The following ADAM22 variants were observed in gnomAD, a reference collection of about 807,000 sequenced individuals.
ADAM22 encodes disintegrin and metalloproteinase domain-containing protein 22.
Under a neutral mutation model 144.6 loss-of-function variants are expected in ADAM22, and 65 were observed. The ratio of observed to expected loss-of-function variants is 0.45; its 90% CI spans 0.37 to 0.55. The LOEUF (loss-of-function observed/expected upper bound fraction) is 0.55, where lower values mean the gene tolerates loss of function less well. Ranked by LOEUF, ADAM22 falls within the 20% of genes least tolerant of loss-of-function variation. The pLI, the probability that ADAM22 is intolerant of heterozygous loss-of-function variation, is 0.00. For synonymous variants in ADAM22, 391 were observed against 412.6 expected (o/e 0.95, Z 0.63); for missense variants, 974 against 1,184.9 (o/e 0.82, Z 2.61).
intron 2 of ADAM22, among the ~76,000 whole-genome samples, chr7:87,958,032 G>T (rs758066369): frequency 2.6e-5 from 4 of 152,086 alleles, no homozygotes; most frequent in Admixed American, 6.6e-5. Flanking sequence ...ATAGGTAAAA[G>T]AATTAAATTC....
chr7:88,149,818 T>C (rs1227634748), intron 18 of ADAM22, among the ~76,000 whole-genome samples: 1 of 152,204 alleles, frequency 6.6e-6, no homozygotes, highest in Non-Finnish European at 1.5e-5. Flanking sequence ...AGAGAAACAT[T>C]GAGAATTAAA....
At chr7:88,063,227 T>C (rs1435583409) in intron 3 of ADAM22, among the ~76,000 whole-genome samples, 1 of 152,184 alleles carries the variant, frequency 6.6e-6, no homozygotes, top group East Asian at 1.9e-4. Context: ...AAGGTATGCC[T>C]GTATTCAAAG....
chr7:88,049,962 T>C (rs941214870), intron 3 of ADAM22, among the ~76,000 whole-genome samples: 2 of 151,932 alleles, frequency 1.3e-5, no homozygotes, highest in African/African-American at 4.8e-5. Context: ...TACAAGAAAA[T>C]GTCAACTCAG....
chr7:88,093,913 C>T (rs1232316309), intron 4 of ADAM22, among the ~76,000 whole-genome samples: 1 of 152,142 alleles, frequency 6.6e-6, no homozygotes, highest in Non-Finnish European at 1.5e-5. Context: ...ACTTGATTTT[C>T]CCCATAGCCA....
intron 4 of ADAM22, 78 bp downstream of exon 4, chr7:88,075,770 T>C: frequency 3.7e-6 from 4 of 1,094,272 alleles, no homozygotes; most frequent in Non-Finnish European, 5.5e-6. Context: ...TAATTTTCAA[T>C]GATATTTCTA....
intron 2 of ADAM22, among the ~76,000 whole-genome samples, chr7:87,956,995 T>C (rs1011277417): frequency 1.3e-5 from 2 of 152,222 alleles, no homozygotes; most frequent in Non-Finnish European, 2.9e-5. Context: ...TTCTATTTCA[T>C]TTTCTTTAAA....
At chr7:88,097,151 CTTTTTTTT>C (rs1169759079) in intron 4 of ADAM22, among the ~76,000 whole-genome samples, 1 of 129,214 alleles carries the variant, frequency 7.7e-6, no homozygotes, top group East Asian at 2.2e-4. Flanking sequence ...TTTTTCTTTT[CTTTTTTTT>C]TTTTTTTTTT....
chr7:88,012,855 G>A (rs1158092793), intron 3 of ADAM22, among the ~76,000 whole-genome samples: 4 of 152,220 alleles, frequency 2.6e-5, no homozygotes, highest in Non-Finnish European at 5.9e-5. Context: ...ATGCTCTTCT[G>A]TTAGGTAGGA....
chr7:88,066,787 C>T (rs915961116), intron 3 of ADAM22, among the ~76,000 whole-genome samples: 1 of 151,904 alleles, frequency 6.6e-6, no homozygotes, highest in Non-Finnish European at 1.5e-5. Flanking sequence ...CTGTGTGGTT[C>T]CTGGTAGGAA....
intron 3 of ADAM22, among the ~76,000 whole-genome samples, chr7:88,022,749 A>T: frequency 6.6e-6 from 1 of 152,208 alleles, no homozygotes; most frequent in Admixed American, 6.5e-5. Flanking sequence ...AATGTTTGCC[A>T]TAGTTTTTAT....
At chr7:87,966,693 C>A (rs1849115284) in intron 2 of ADAM22, among the ~76,000 whole-genome samples, 1 of 119,366 alleles carries the variant, frequency 8.4e-6, no homozygotes. Context: ...GAATGCCTCT[C>A]AAGAGTTCAT....
chr7:87,939,535 G>A (rs1394123282), intron 2 of ADAM22, among the ~76,000 whole-genome samples: 1 of 152,156 alleles, frequency 6.6e-6, no homozygotes, highest in Non-Finnish European at 1.5e-5. Flanking sequence ...GTGTACTTTA[G>A]TTCACTAGTA....
chr7:88,186,610 T>G lies in ADAM22; in HGVS notation c.2664-5T>G. On this transcript the variant is annotated splice_region_variant and splice_polypyrimidine_tract_variant and intron_variant, in intron 29 of 31. Coordinates refer to ENST00000413139, the MANE Select transcript of ADAM22 (RefSeq NM_001324418.2). ...TTTCTTTGTTCCTTCCATTGCTTTCTGCAGGTATTTAAACCCATGGTTCAA... is the reference window on the plus strand; with the variant it reads ...TTTCTTTGTTCCTTCCATTGCTTTCGGCAGGTATTTAAACCCATGGTTCAA... 6.3e-7 allele frequency: 1 copy of G among 1,592,362 alleles called. No homozygotes were observed. Among genetic ancestry groups the G allele is most frequent in the Non-Finnish European group, 8.6e-7 (1 of 1,160,362 alleles).
chr7:88,173,977 G>A (rs1164483521), intron 26 of ADAM22, among the ~76,000 whole-genome samples: 1 of 152,150 alleles, frequency 6.6e-6, no homozygotes, highest in Admixed American at 6.6e-5. Flanking sequence ...GGTTGAGGTG[G>A]TGGAAATGTC....
intron 3 of ADAM22, among the ~76,000 whole-genome samples, chr7:88,022,317 G>A (rs145976214): frequency 4.6e-4 from 70 of 152,276 alleles, no homozygotes; most frequent in Non-Finnish European, 8.5e-4. Flanking sequence ...ATACCAGATG[G>A]TTCATGACAT....
intron 3 of ADAM22, among the ~76,000 whole-genome samples, chr7:87,995,794 A>G (rs1043105054): frequency 4.6e-5 from 7 of 152,226 alleles, no homozygotes; most frequent in Admixed American, 3.3e-4. Context: ...CTGCACCGAT[A>G]TGTCACTCAT....
chr7:88,012,222 T>G (rs1367854664), intron 3 of ADAM22, among the ~76,000 whole-genome samples: 1 of 152,206 alleles, frequency 6.6e-6, no homozygotes, highest in Non-Finnish European at 1.5e-5. Flanking sequence ...AATTTTTCTC[T>G]CTCTGCTTAC....
chr7:88,133,572 A>C (rs11972690), intron 12 of ADAM22, among the ~76,000 whole-genome samples: 1,713 of 152,120 alleles, frequency 0.011, 32 homozygotes, highest in African/African-American at 0.039. Flanking sequence ...CTTTACCTTC[A>C]TTGAAAATAA....
chr7:88,142,154 C>T (rs1834875292), intron 14 of ADAM22, among the ~76,000 whole-genome samples: 1 of 152,158 alleles, frequency 6.6e-6, no homozygotes, highest in African/African-American at 2.4e-5. Context: ...AAATACCTTA[C>T]TTTGCATTTT....
Sources: gnomAD v4.1 joint callset for allele counts (sites outside exome capture counted in the v4.1 genomes callset) on GRCh38, gnomAD v4.1.1 for gene constraint, MANE v1.5 for transcripts, NCBI Gene and HGNC (gene_info 2026-07-23, HGNC 2026-07-21) for gene names.